PKNOX2: variants seen among roughly 807,000 people sequenced by gnomAD.
PKNOX2 encodes PBX/knotted 1 homeobox 2.
In PKNOX2, 14 loss-of-function variants were observed where a neutral mutation model predicts 53.1. The ratio of observed to expected loss-of-function variants is 0.26; its 90% CI spans 0.17 to 0.41. The LOEUF (loss-of-function observed/expected upper bound fraction) is 0.41, where lower values mean the gene tolerates loss of function less well. PKNOX2 is among the 10% of genes least tolerant of loss of function. The probability of loss-of-function intolerance (pLI) is 1.00; values close to 1 mark genes in which losing one functional copy is unlikely to be tolerated. For synonymous variants in PKNOX2, 257 were observed against 242.8 expected, an observed-to-expected ratio of 1.06 and a Z score of -0.54; for missense variants, 496 against 602.8, an observed-to-expected ratio of 0.82 and a Z score of 1.85.
intron 4 of PKNOX2, among the ~76,000 whole-genome samples, chr11:125,359,272 C>G (rs933335727): frequency 5.9e-5 from 9 of 152,168 alleles, no homozygotes; most frequent in African/African-American, 2.2e-4. Flanking sequence ...GAAAGTTCCC[C>G]TAAGCTTTTT....
chr11:125,211,035 T>C (rs1939784338), intron 1 of PKNOX2, among the ~76,000 whole-genome samples: 1 of 152,164 alleles, frequency 6.6e-6, no homozygotes, highest in African/African-American at 2.4e-5. Flanking sequence ...ACGATGCTTG[T>C]CGGTCAGGTG....
At position 125,333,757 on chromosome 11, in the gene PKNOX2, C is replaced by T. The variant is rs564905319; in HGVS notation, c.-23+1832C>T. On this transcript the variant is annotated intron_variant, in intron 3 of 12. Coordinates refer to ENST00000298282, the MANE Select transcript of PKNOX2 (RefSeq NM_001382323.2). ...GTCTCACTTAAATTCTTAGCTCTCTCGCTCTCTTTTTTTAAAATCGTTTTG... is the reference window on the plus strand; with the variant it reads ...GTCTCACTTAAATTCTTAGCTCTCTTGCTCTCTTTTTTTAAAATCGTTTTG... 9.2e-5 allele frequency among the ~76,000 whole-genome samples: 14 copies of T among 152,304 alleles called. 1 individual carries two copies. In the Middle Eastern group the frequency reaches 0.02, roughly 222 times the overall value.
intron 3 of PKNOX2, among the ~76,000 whole-genome samples, chr11:125,333,056 G>T (rs528907412): frequency 8.0e-4 from 122 of 152,210 alleles, no homozygotes; most frequent in Non-Finnish European, 1.3e-3. Context: ...GTTGGGCGAT[G>T]CCCGTTTCGG....
intron 2 of PKNOX2, among the ~76,000 whole-genome samples, chr11:125,314,167 GC>G (rs1949001775): frequency 6.6e-6 from 1 of 152,160 alleles, no homozygotes; most frequent in African/African-American, 2.4e-5. Context: ...TGATGAAGGG[GC>G]TTCACCTTCC....
intron 10 of PKNOX2, among the ~76,000 whole-genome samples, chr11:125,423,701 C>A (rs1956278089): frequency 1.3e-5 from 2 of 152,124 alleles, no homozygotes; most frequent in African/African-American, 4.8e-5. Flanking sequence ...ACCCAAAGCC[C>A]CTGTAGTAGG....
At chr11:125,384,625 C>T (rs929874389) in intron 5 of PKNOX2, among the ~76,000 whole-genome samples, 1 of 152,126 alleles carries the variant, frequency 6.6e-6, no homozygotes, top group African/African-American at 2.4e-5. Flanking sequence ...GGAGAGCTTG[C>T]AGTGAGCCGA....
rs764158382 is a variant in PKNOX2, at chr11:125,418,027, G to A, written c.936+6162G>A. 6.6e-5 allele frequency among the ~76,000 whole-genome samples: 10 copies of A among 151,966 alleles called. 1 individual carries two copies. The highest frequency in any genetic ancestry group is 1.5e-4 in the African/African-American group (6 of 41,242). On this transcript the variant is annotated intron_variant, in intron 10 of 12. Transcript: ENST00000298282. ...TAATTCACGTACCATAAAATTTACC[G>A]TTTTAAACTGTGGAATTCAGTGGCT...
At chr11:125,417,305 G>A (rs2135592415) in intron 10 of PKNOX2, among the ~76,000 whole-genome samples, 1 of 152,094 alleles carries the variant, frequency 6.6e-6, no homozygotes. Flanking sequence ...TGCCAGCCAA[G>A]CACATGAGCA....
intron 5 of PKNOX2, among the ~76,000 whole-genome samples, chr11:125,369,852 CAT>C (rs1361207959): frequency 1.3e-5 from 2 of 152,200 alleles, no homozygotes; most frequent in Non-Finnish European, 2.9e-5. Flanking sequence ...AGCCTGATGA[CAT>C]ATGCTTGTCA....
At chr11:125,222,629 G>GTGTGTCTGTGTGTGCGTATGTGTGTGC (rs1555120664) in intron 1 of PKNOX2, among the ~76,000 whole-genome samples, 2 of 149,570 alleles carry the variant, frequency 1.3e-5, no homozygotes, top group African/African-American at 4.9e-5. Context: ...GTGTATGTGT[G>GTGTGTCTGTGTGTGCGTATGTGTGTGC]TGTGTATGTG....
At chr11:125,192,047 A>T (rs1459739442) in intron 1 of PKNOX2, among the ~76,000 whole-genome samples, 1 of 151,856 alleles carries the variant, frequency 6.6e-6, no homozygotes, top group African/African-American at 2.4e-5. Context: ...AGAGAGAGGG[A>T]TTATTGTGGC....
At chr11:125,265,286 C>CAA (rs200547805) in intron 2 of PKNOX2, among the ~76,000 whole-genome samples, 1,970 of 139,766 alleles carry the variant, frequency 0.014, 30 homozygotes, top group African/African-American at 0.039. Context: ...GACTCTGTCT[C>CAA]AAAAAAAAAA....
rs149624769 is a variant in PKNOX2 at position 125,415,448 on chromosome 11, A to C, written c.936+3583A>C. 7.0e-3 allele frequency among the ~76,000 whole-genome samples: 1,064 copies of C among 152,114 alleles called. 16 individuals are homozygous for C. The highest frequency in any genetic ancestry group is 0.022 in the African/African-American group (903 of 41,470). ...ATATTTTTAGTAGAGGTGGGGTTTT[A>C]CCATGTTGCCCAGTCTGGTCTTGAA... On this transcript the variant is annotated intron_variant, in intron 10 of 12. Coordinates refer to ENST00000298282, the MANE Select transcript of PKNOX2 (RefSeq NM_001382323.2).
chr11:125,336,750 TATATA>T (rs1950451438), intron 3 of PKNOX2, among the ~76,000 whole-genome samples: 2 of 147,162 alleles, frequency 1.4e-5, no homozygotes, highest in Admixed American at 6.9e-5. Context: ...TACTACATGA[TATATA>T]ATATATAATA....
intron 10 of PKNOX2, among the ~76,000 whole-genome samples, chr11:125,418,629 C>T (rs1353617183): frequency 1.3e-5 from 2 of 152,000 alleles, no homozygotes; most frequent in Admixed American, 6.5e-5. Context: ...TCGGTGTTGC[C>T]TTTGGTCACT....
At chr11:125,306,426 CT>C (rs1948461564) in intron 2 of PKNOX2, among the ~76,000 whole-genome samples, 3 of 152,206 alleles carry the variant, frequency 2.0e-5, no homozygotes, top group Admixed American at 2.0e-4. Flanking sequence ...CCTGGGCTGG[CT>C]TTTCTTTCTG....
intron 2 of PKNOX2, among the ~76,000 whole-genome samples, chr11:125,302,174 G>A (rs1351492816): frequency 1.3e-5 from 2 of 152,234 alleles, no homozygotes; most frequent in African/African-American, 4.8e-5. Flanking sequence ...GGAAGGATGA[G>A]TGGACTCCCA....
intron 1 of PKNOX2, among the ~76,000 whole-genome samples, chr11:125,168,541 C>A (rs557080725): frequency 6.9e-4 from 105 of 152,296 alleles, no homozygotes; most frequent in Non-Finnish European, 1.1e-3. Flanking sequence ...TGGAAACATA[C>A]CTCCTCTCCC....
intron 1 of PKNOX2, among the ~76,000 whole-genome samples, chr11:125,209,089 GAA>G (rs1397484623): frequency 6.6e-6 from 1 of 152,072 alleles, no homozygotes; most frequent in Non-Finnish European, 1.5e-5. Context: ...AGAGGGCTAA[GAA>G]AATAATTTAA....
Sources: gnomAD v4.1 joint callset for allele counts (sites outside exome capture counted in the v4.1 genomes callset) on GRCh38, gnomAD v4.1.1 for gene constraint, MANE v1.5 for transcripts, NCBI Gene and HGNC (gene_info 2026-07-23, HGNC 2026-07-21) for gene names.